The following DMPK variants were observed in gnomAD, a reference collection of about 807,000 sequenced individuals.
DMPK encodes myotonin-protein kinase.
In DMPK, 32 loss-of-function variants were observed where a neutral mutation model predicts 70.3. That is an observed-to-expected ratio of 0.46 (90% CI 0.34 to 0.61). The LOEUF (loss-of-function observed/expected upper bound fraction) is 0.61, where lower values mean the gene tolerates loss of function less well. Among genes scored for constraint, DMPK ranks in the 20% least tolerant of loss-of-function variants. The pLI is 0.01. For synonymous variants in DMPK, 469 were observed against 390.9 expected (o/e 1.20, Z -2.36); for missense variants, 899 against 886.0 (o/e 1.01, Z -0.19).
At chr19:45,781,486 G>A (rs1277003201) in intron 1 of DMPK, among the ~76,000 whole-genome samples, 3 of 151,550 alleles carry the variant, frequency 2.0e-5, no homozygotes, top group Non-Finnish European at 4.4e-5. Flanking sequence ...GGGGTGGCGG[G>A]AATGGTGGCT....
chr19:45,780,128 G>C, intron 1 of DMPK: 1 of 1,445,870 alleles, frequency 6.9e-7, no homozygotes. Flanking sequence ...AGGGTGTGCA[G>C]GATGGTTAGG....
Position 45,771,682 on chromosome 19 carries a change from A to G in DMPK, c.1503-17T>C, listed in dbSNP as rs1036433970. ...CGTAGTTGACTGTGGGGAGGTAAGG[A>G]CGGTGAGTCCGTCCGGGCCGGACGA... On this transcript the variant is annotated splice_polypyrimidine_tract_variant and intron_variant, in intron 11 of 14. Coordinates refer to ENST00000291270, the MANE Select transcript of DMPK (RefSeq NM_004409.5). The G allele has an allele frequency of 6.2e-7, 1 of 1,613,696 alleles. No individual in the cohort carries two copies. Among genetic ancestry groups the G allele is most frequent in the East Asian group, 2.2e-5 (1 of 44,864 alleles).
Position 45,770,466 on chromosome 19 carries a change from G to C in DMPK, c.*22C>G. On this transcript the variant is annotated 3_prime_UTR_variant, in exon 15 of 15. Coordinates refer to ENST00000291270, the MANE Select transcript of DMPK (RefSeq NM_004409.5). ...CACTCAGTCTTCCAACGGGGCCCCG[G>C]AGTCGAAGACAGTTCTAGGGTTCAG... 6.5e-7 allele frequency: 1 copy of C among 1,549,516 alleles called. No homozygotes were observed. Among genetic ancestry groups the C allele is most frequent in the Non-Finnish European group, 8.7e-7 (1 of 1,146,716 alleles).
intron 6 of DMPK, 55 bp downstream of exon 6, chr19:45,778,072 C>T: frequency 6.9e-7 from 1 of 1,453,944 alleles, no homozygotes; most frequent in Non-Finnish European, 9.5e-7. Context: ...ACACTCTGTG[C>T]CTTCCATCCC....
chr19:45,778,356 A>AC lies in DMPK; in HGVS notation c.581+136dup. 8.8e-6 allele frequency: 12 copies of AC among 1,358,038 alleles called. No individual in the cohort carries two copies. The South Asian group carries it at 1.3e-4, about 15-fold the overall frequency. 84.1% of individuals were successfully genotyped at this position (1,358,038 alleles called of 1,614,324 possible). On this transcript the variant is annotated intron_variant, in intron 5 of 14. Transcript: ENST00000291270. ...CCCCTGTAGGGCTTCTACAGTTCTG[A>AC]CCCCTACTCCCAGGCACCCCCCGGT...
intron 14 of DMPK, 90 bp downstream of exon 14, chr19:45,770,881 A>G (rs1441047928): frequency 9.0e-7 from 1 of 1,113,432 alleles, no homozygotes; most frequent in Non-Finnish European, 1.2e-6. Flanking sequence ...CCGTGGGCCC[A>G]GCCCCGCAAA....
intron 9 of DMPK, 49 bp from the exon 10 acceptor site, chr19:45,772,801 T>A (rs1312982802): frequency 1.3e-5 from 15 of 1,111,720 alleles, no homozygotes; most frequent in Non-Finnish European, 1.7e-5. Flanking sequence ...GCTGATTCTC[T>A]GGTGGAGAAC....
intron 11 of DMPK, 51 bp from the exon 12 acceptor site, chr19:45,771,716 G>A: frequency 6.2e-7 from 1 of 1,608,530 alleles, no homozygotes; most frequent in Non-Finnish European, 8.5e-7. Flanking sequence ...GAGAGGGGAT[G>A]CCAAGGGTTG....
intron 5 of DMPK, 64 bp downstream of exon 5, chr19:45,778,427 GCT>G: frequency 6.3e-7 from 1 of 1,580,770 alleles, no homozygotes; most frequent in Non-Finnish European, 8.6e-7. Context: ...GCCTCTCTGG[GCT>G]CTGACCTTCC....
Position 45,771,399 on chromosome 19 carries a change from G to T in DMPK, c.1601-3C>A. ...GGGACTGGGGACCCCCGTGACAGCT[G>T]GAAGGAGAAGAAAGAGGCATAGGGC... is the stretch of plus-strand genomic sequence containing the variant. On this transcript the variant is annotated splice_region_variant and splice_polypyrimidine_tract_variant and intron_variant, in intron 12 of 14. Coordinates refer to ENST00000291270, the MANE Select transcript of DMPK (RefSeq NM_004409.5). The T allele has an allele frequency of 6.2e-7, 1 of 1,608,282 alleles. No homozygotes were observed. Among genetic ancestry groups the T allele is most frequent in the South Asian group, 1.1e-5 (1 of 90,720 alleles).
chr19:45,774,890 G>A, intron 9 of DMPK, 59 bp downstream of exon 9: 1 of 1,349,052 alleles, frequency 7.4e-7, no homozygotes, highest in African/African-American at 1.4e-5. Context: ...CCAAGGAGCA[G>A]GACCCAGGAA....
intron 1 of DMPK, 42 bp downstream of exon 1, chr19:45,782,151 A>ACCCCCCCC: frequency 3.5e-6 from 1 of 282,620 alleles, no homozygotes; most frequent in Non-Finnish European, 5.8e-6. Flanking sequence ...CTCCTGCCCC[A>ACCCCCCCC]CCCCCACCCC....
intron 5 of DMPK, 81 bp from the exon 6 acceptor site, chr19:45,778,301 C>T: frequency 7.0e-7 from 1 of 1,426,414 alleles, no homozygotes; most frequent in Non-Finnish European, 9.7e-7. Flanking sequence ...CCGGGCAGTG[C>T]CACCTGGGAC....
chr19:45,782,198 T>C lies in DMPK; in HGVS notation c.155A>G (p.Gln52Arg). The C allele has an allele frequency of 1.2e-6, 1 of 826,292 alleles. No individual in the cohort carries two copies. The highest frequency in any genetic ancestry group is 1.6e-6 in the Non-Finnish European group (1 of 611,056). 51.2% of individuals were successfully genotyped at this position (826,292 alleles called of 1,614,324 possible). ...AQDKYVADFLQWAEPIVVRLK... is the reference protein window; with the variant it reads ...AQDKYVADFLRWAEPIVVRLK... ...CCCCGAGGGTAGGCACTCACCCCACTGCAAGAAGTCGGCCACGTACTTGTC... is the reference window on the plus strand; with the variant it reads ...CCCCGAGGGTAGGCACTCACCCCACCGCAAGAAGTCGGCCACGTACTTGTC... The change falls in exon 1 of 15, where the codon CAG becomes CGG. Residue 52 changes from glutamine to arginine, a missense_variant. Gln to Arg is a conservative substitution (Grantham distance 43, BLOSUM62 1). Transcript: ENST00000291270.
In DMPK at chr19:45,774,964, G is replaced by A. The variant is rs1039328106; in HGVS notation, c.1217C>T (p.Ser406Phe). 1 of 1,613,814 alleles carries A rather than the reference G, an allele frequency of 6.2e-7. No homozygotes were observed. Among genetic ancestry groups the A allele is most frequent in the African/African-American group, 1.3e-5 (1 of 74,912 alleles). ...CAGTGCTTACCTGAGGGCCATGCAG[G>A]AGTAGGAGTAGCCCACAAAAGGCAG... ...VHLPFVGYSY[S>F]CMALRDSEVP... The change falls in exon 9 of 15, where the codon TCC becomes TTC. Residue 406 changes from serine (S) to phenylalanine (F), a missense_variant. Coordinates refer to ENST00000291270, the MANE Select transcript of DMPK (RefSeq NM_004409.5).
At chr19:45,778,713 C>G (rs1241354866) in intron 4 of DMPK, 72 bp from the exon 5 acceptor site, 1 of 1,505,736 alleles carries the variant, frequency 6.6e-7, no homozygotes, top group Non-Finnish European at 9.1e-7. Flanking sequence ...GCTGGGACAA[C>G]CCCTCCCAGA....
rs1466286506 is a variant in DMPK at position 45,771,931 on chromosome 19, G to A, written c.1345-3C>T. Reference sequence around the variant, plus strand: ...GCCGCTGGAACTGCCACTTCAGCCTGTGTATGGGGACCAGGCTTAAGGCTG... The same window carrying A: ...GCCGCTGGAACTGCCACTTCAGCCTATGTATGGGGACCAGGCTTAAGGCTG... On this transcript the variant is annotated splice_polypyrimidine_tract_variant and splice_region_variant and intron_variant, in intron 10 of 14. Coordinates refer to ENST00000291270, the MANE Select transcript of DMPK (RefSeq NM_004409.5). 6.3e-7 allele frequency: 1 copy of A among 1,590,646 alleles called. No homozygotes were observed. The highest frequency in any genetic ancestry group is 8.6e-7 in the Non-Finnish European group (1 of 1,167,834).
chr19:45,772,583 CCCT>C (rs1969528197), intron 10 of DMPK, 55 bp downstream of exon 10: 1 of 1,179,794 alleles, frequency 8.5e-7, no homozygotes, highest in Admixed American at 2.7e-5. Context: ...ACCCGGGAAG[CCCT>C]CACCTTTTCT....
chr19:45,779,294 C>T lies in DMPK; in HGVS notation c.402G>A (p.Leu134=). The T allele has an allele frequency of 5.0e-6, 8 of 1,614,062 alleles. No individual in the cohort carries two copies. Among genetic ancestry groups the T allele is most frequent in the South Asian group, 1.1e-5 (1 of 91,086 alleles). Residue 134 remains leucine, a synonymous_variant, in exon 4 of 15, where the codon CTG becomes CTA. Coordinates refer to ENST00000291270, the MANE Select transcript of DMPK (RefSeq NM_004409.5). ...VNGDRRWITQ[L]HFAFQDENYL... ...AGTTCTCATCCTGGAAGGCGAAGTG[C>T]AGCTGCGTGATCCACCGCCGGTCCC...
Sources: gnomAD v4.1 joint callset for allele counts (sites outside exome capture counted in the v4.1 genomes callset) on GRCh38, gnomAD v4.1.1 for gene constraint, MANE v1.5 for transcripts, NCBI Gene and HGNC (gene_info 2026-07-23, HGNC 2026-07-21) for gene names.